The following CAMKMT variants were observed in gnomAD, a reference collection of about 807,000 sequenced individuals.
CAMKMT encodes the protein CaM KMT.
In CAMKMT, 53 loss-of-function variants were observed where a neutral mutation model predicts 48.0. The ratio of observed to expected loss-of-function variants is 1.10; its 90% confidence interval spans 0.89 to 1.39. The LOEUF (loss-of-function observed/expected upper bound fraction) is 1.39, where lower values mean the gene tolerates loss of function less well. Among genes scored for constraint, CAMKMT ranks in the 40% most tolerant of loss-of-function variants. The pLI, the probability that CAMKMT is intolerant of heterozygous loss-of-function variation, is 0.00. For synonymous variants in CAMKMT, 165 were observed against 152.3 expected (o/e 1.08, Z -0.61); for missense variants, 428 against 402.7 (o/e 1.06, Z -0.54).
chr2:44,493,397 C>T (rs1441849487), intron 3 of CAMKMT, among the ~76,000 whole-genome samples: 2 of 152,184 alleles, frequency 1.3e-5, no homozygotes, highest in Non-Finnish European at 2.9e-5. Context: ...TGGACTTCTA[C>T]TCCTGCAGCC....
At chr2:44,627,585 T>C (rs1672557588) in intron 3 of CAMKMT, among the ~76,000 whole-genome samples, 1 of 152,082 alleles carries the variant, frequency 6.6e-6, no homozygotes, top group Non-Finnish European at 1.5e-5. Flanking sequence ...TCAGATTTTT[T>C]ACTTCTTCTT....
intron 1 of CAMKMT, among the ~76,000 whole-genome samples, chr2:44,362,758 G>A (rs1423810656): frequency 2.6e-5 from 4 of 152,166 alleles, no homozygotes; most frequent in Non-Finnish European, 4.4e-5. Flanking sequence ...TGTCCAAGGT[G>A]GGCTAGTCAA....
chr2:44,379,091 C>G lies in CAMKMT; in HGVS notation c.311+6203C>G, dbSNP rs147989922. The stretch of plus-strand genomic sequence containing the variant: ...CCCCATTCTCCTTCTTCCTCTAGTC[C>G]CTGGCAACCAGTACTTGACTTTCTG... On this transcript the variant is annotated intron_variant, in intron 2 of 10. Coordinates refer to ENST00000378494, the MANE Select transcript of CAMKMT (RefSeq NM_024766.5). Among the ~76,000 whole-genome samples the G allele has an allele frequency of 5.2e-4, 79 of 152,244 alleles. No individual in the cohort carries two copies. The East Asian group carries it at 0.014, about 28-fold the overall frequency.
intron 2 of CAMKMT, among the ~76,000 whole-genome samples, chr2:44,374,407 G>C (rs1473144678): frequency 6.6e-6 from 1 of 152,198 alleles, no homozygotes; most frequent in Non-Finnish European, 1.5e-5. Flanking sequence ...TAAACATTTA[G>C]AAGGAAATGA....
chr2:44,538,976 GT>G (rs1666938468), intron 3 of CAMKMT, among the ~76,000 whole-genome samples: 1 of 144,402 alleles, frequency 6.9e-6, no homozygotes, highest in Non-Finnish European at 1.5e-5. Context: ...GTGTGTGTGT[GT>G]GTGTGTGTGT....
At chr2:44,637,271 T>C (rs17032443) in intron 3 of CAMKMT, among the ~76,000 whole-genome samples, 2,806 of 152,352 alleles carry the variant, frequency 0.018, 73 homozygotes, top group African/African-American at 0.058. Flanking sequence ...CAATTAGGTA[T>C]TCTTCATTTT....
chr2:44,642,163 T>A (rs911670513), intron 3 of CAMKMT, among the ~76,000 whole-genome samples: 3 of 152,254 alleles, frequency 2.0e-5, no homozygotes, highest in Non-Finnish European at 4.4e-5. Context: ...TGGAAACTAT[T>A]TGTAAAGGAA....
intron 3 of CAMKMT, among the ~76,000 whole-genome samples, chr2:44,647,279 T>A (rs1367099748): frequency 2.0e-5 from 3 of 152,246 alleles, no homozygotes; most frequent in South Asian, 4.1e-4. Flanking sequence ...TGTACCTTCC[T>A]TTTTGTTGGT....
At chr2:44,563,196 T>C (rs749550567) in intron 3 of CAMKMT, among the ~76,000 whole-genome samples, 2 of 147,634 alleles carry the variant, frequency 1.4e-5, no homozygotes, top group East Asian at 3.9e-4. Context: ...AGGTATCTAC[T>C]CTTATCTCTT....
chr2:44,586,778 G>C (rs552525196), intron 3 of CAMKMT, among the ~76,000 whole-genome samples: 1 of 152,296 alleles, frequency 6.6e-6, no homozygotes, highest in East Asian at 1.9e-4. Flanking sequence ...CATTTATGTA[G>C]AATCTTTTAT....
At chr2:44,554,702 C>A (rs1657247614) in intron 3 of CAMKMT, among the ~76,000 whole-genome samples, 1 of 151,888 alleles carries the variant, frequency 6.6e-6, no homozygotes, top group Admixed American at 6.6e-5. Flanking sequence ...TAGACCTTGT[C>A]TCTATAAAAT....
At chr2:44,644,711 A>G (rs1176974771) in intron 3 of CAMKMT, among the ~76,000 whole-genome samples, 2 of 152,112 alleles carry the variant, frequency 1.3e-5, no homozygotes. Context: ...AAAACTGTTC[A>G]CTGGTGTCAT....
rs562004541 is a variant in CAMKMT at position 44,541,041 on chromosome 2, C to T, written c.376+150736C>T. Among the ~76,000 whole-genome samples the T allele has an allele frequency of 5.3e-5, 8 of 152,234 alleles. No homozygotes were observed. The East Asian group carries it at 9.7e-4, about 18-fold the overall frequency. The stretch of plus-strand genomic sequence containing the variant: ...TTTCTATATGTACATGGGTATATTT[C>T]TGTACCTTTTGTTCTATTCTATTGG... On this transcript the variant is annotated intron_variant, in intron 3 of 10. Coordinates refer to ENST00000378494, the MANE Select transcript of CAMKMT (RefSeq NM_024766.5).
At position 44,625,724 on chromosome 2, in the gene CAMKMT, C is replaced by T. The variant is rs888270640; in HGVS notation, c.377-78559C>T. On this transcript the variant is annotated intron_variant, in intron 3 of 10. Coordinates refer to ENST00000378494, the MANE Select transcript of CAMKMT (RefSeq NM_024766.5). ...TAAGGGTCGAGGTTCATTTTTTTTC[C>T]GTACCGATATCCAGTTGTTCTAGCA... Among the ~76,000 whole-genome samples the T allele has an allele frequency of 4.0e-5, 6 of 151,708 alleles. No individual in the cohort carries two copies. The East Asian group carries it at 5.8e-4, about 15-fold the overall frequency.
rs1677941798 is a variant in CAMKMT, at chr2:44,362,202, C to T, written c.138+57C>T. ...CTCTGGTCACTCCTCTCTCACGTAC[C>T]GGGGGAGCGACTGTTCGCAGTTCTT... On this transcript the variant is annotated intron_variant, in intron 1 of 10. Coordinates refer to ENST00000378494, the MANE Select transcript of CAMKMT (RefSeq NM_024766.5). The T allele has an allele frequency of 7.3e-6, 10 of 1,365,554 alleles. No homozygotes were observed. In the Admixed American group the frequency reaches 1.5e-4, roughly 21 times the overall value. The allele number at this position is 1,365,554 out of a possible 1,614,324, so 84.6% of individuals were successfully genotyped here.
intron 3 of CAMKMT, among the ~76,000 whole-genome samples, chr2:44,469,512 A>T (rs994233632): frequency 3.3e-5 from 5 of 151,952 alleles, no homozygotes; most frequent in Non-Finnish European, 7.4e-5. Flanking sequence ...GTAATCCATT[A>T]CTTTTCTTTT....
At chr2:44,760,688 C>T (rs935630938) in intron 9 of CAMKMT, among the ~76,000 whole-genome samples, 11 of 150,584 alleles carry the variant, frequency 7.3e-5, no homozygotes, top group Middle Eastern at 3.2e-3. Flanking sequence ...GTATGGGTAA[C>T]GGAGAGCCAT....
At chr2:44,428,456 T>G (rs1684421995) in intron 3 of CAMKMT, among the ~76,000 whole-genome samples, 2 of 152,076 alleles carry the variant, frequency 1.3e-5, no homozygotes, top group Admixed American at 1.3e-4. Context: ...ATAGGAAGTG[T>G]GGGGGGCAAA....
At chr2:44,592,426 C>T (rs1483670233) in intron 3 of CAMKMT, among the ~76,000 whole-genome samples, 3 of 151,964 alleles carry the variant, frequency 2.0e-5, no homozygotes, top group Non-Finnish European at 2.9e-5. Flanking sequence ...TATAGTGATG[C>T]CATCTTTCTT....
Sources: gnomAD v4.1 joint callset for allele counts (sites outside exome capture counted in the v4.1 genomes callset) on GRCh38, gnomAD v4.1.1 for gene constraint, MANE v1.5 for transcripts, NCBI Gene and HGNC (gene_info 2026-07-23, HGNC 2026-07-21) for gene names.